Variants in TXNDC17 observed in about 807,000 individuals in gnomAD.
TXNDC17 encodes thioredoxin domain containing 17, also known as thioredoxin domain-containing protein 17.
TXNDC17 carries 12 observed loss-of-function variants against 16.3 expected under a neutral mutation model. The observed-to-expected ratio is 0.74, with a 90% CI of 0.47 to 1.19. The LOEUF is 1.19. Ranked by LOEUF, TXNDC17 falls within the 50% of genes most tolerant of loss-of-function variation. TXNDC17 has a pLI of 0.00. For synonymous variants in TXNDC17, 62 were observed against 55.0 expected (o/e 1.13, Z -0.56); for missense variants, 158 against 149.7 (o/e 1.06, Z -0.29).
In TXNDC17 at chr17:6,642,264, T is replaced by TA. The variant is rs1972693635; in HGVS notation, c.245dup (p.Asn82LysfsTer2). On this transcript the variant is annotated frameshift_variant, in exon 3 of 4. Coordinates refer to ENST00000250101, the MANE Select transcript of TXNDC17 (RefSeq NM_032731.4). LOFTEE classifies it high-confidence loss of function. ...TTTCGAATAGTTGGAAAGATCCAAA[T>TA]AATGACTTCAGAAAAAACTTGAAAG... 2 of 1,610,854 alleles carry TA rather than the reference T, an allele frequency of 1.2e-6. No individual in the cohort carries two copies. Among genetic ancestry groups the TA allele is most frequent in the African/African-American group, 2.7e-5 (2 of 74,798 alleles).
Position 6,644,518 on chromosome 17 carries a change from A to G in TXNDC17, c.*1499A>G. 6.2e-7 allele frequency: 1 copy of G among 1,610,374 alleles called. No individual in the cohort carries two copies. Among genetic ancestry groups the G allele is most frequent in the Non-Finnish European group, 8.5e-7 (1 of 1,179,080 alleles). ...GTTGCTGCTCTGCCAAGGCTTGCTG[A>G]AGGCGCATCCGCTTCCGGGAATAGT... On this transcript the variant is annotated 3_prime_UTR_variant, in exon 4 of 4. Coordinates refer to ENST00000250101, the MANE Select transcript of TXNDC17 (RefSeq NM_032731.4).
Position 6,641,066 on chromosome 17 carries a change from G to C in TXNDC17, c.-17G>C. On this transcript the variant is annotated 5_prime_UTR_variant, in exon 1 of 4. Transcript: ENST00000250101. ...ACCGGACGTGCACTCCTCCAGTAGCGGCTGCACGTCGTGCCAATGGCCCGC... is the reference window on the plus strand; with the variant it reads ...ACCGGACGTGCACTCCTCCAGTAGCCGCTGCACGTCGTGCCAATGGCCCGC... The C allele has an allele frequency of 6.2e-7, 1 of 1,610,088 alleles. No individual in the cohort carries two copies. Among genetic ancestry groups the C allele is most frequent in the Non-Finnish European group, 8.5e-7 (1 of 1,178,894 alleles).
chr17:6,641,243 G>A lies in TXNDC17; in HGVS notation c.145+16G>A, dbSNP rs779169000. On this transcript the variant is annotated intron_variant, in intron 1 of 3. Transcript: ENST00000250101. ...TGCGTGCAGGGTGAGGCCGGGATTCGGGGGCTGCTGTCCAATGGAAATGGC... is the reference window on the plus strand; with the variant it reads ...TGCGTGCAGGGTGAGGCCGGGATTCAGGGGCTGCTGTCCAATGGAAATGGC... 7.4e-6 allele frequency: 12 copies of A among 1,612,510 alleles called. No homozygotes were observed. In the East Asian group the frequency reaches 2.2e-4, roughly 30 times the overall value.
Position 6,643,768 on chromosome 17 carries a change from T to G in TXNDC17, c.*749T>G, listed in dbSNP as rs1972727495. The G allele has an allele frequency of 4.6e-6, 1 of 216,712 alleles. No individual in the cohort carries two copies. The allele number at this position is 216,712 out of a possible 1,614,324, so 13.4% of individuals were successfully genotyped here. A position where few individuals can be genotyped will look rare whatever the true frequency, so the allele number is the denominator to read the frequency against. ...GGAAGCACTTAACATAGCACCTGGTTTGTGGTACCTCCCAAATCAATGGTA... is the reference window on the plus strand; with the variant it reads ...GGAAGCACTTAACATAGCACCTGGTGTGTGGTACCTCCCAAATCAATGGTA... On this transcript the variant is annotated 3_prime_UTR_variant, in exon 4 of 4. Transcript: ENST00000250101.
chr17:6,644,004 A>G lies in TXNDC17; in HGVS notation c.*985A>G, dbSNP rs943746726. On this transcript the variant is annotated 3_prime_UTR_variant, in exon 4 of 4. Coordinates refer to ENST00000250101, the MANE Select transcript of TXNDC17 (RefSeq NM_032731.4). ...AGAACCTTTATGCAGTTCCTGTCCT[A>G]TGATTTAAAGAGGTCAGTGACTCCG... 7.5e-6 allele frequency: 3 copies of G among 398,982 alleles called. No individual in the cohort carries two copies. The highest frequency in any genetic ancestry group is 4.4e-5 in the Admixed American group (1 of 22,924). 24.7% of individuals were successfully genotyped at this position (398,982 alleles called of 1,614,324 possible). A position where few individuals can be genotyped will look rare whatever the true frequency, so the allele number is the denominator to read the frequency against.
At chr17:6,641,293 AG>A in intron 1 of TXNDC17, 66 bp downstream of exon 1, 2 of 1,592,878 alleles carry the variant, frequency 1.3e-6, no homozygotes, top group South Asian at 1.1e-5. Flanking sequence ...TACGGCCAGA[AG>A]GGGGGCTTAG....
rs116700122 is a variant in TXNDC17 at position 6,644,190 on chromosome 17, G to A, written c.*1171G>A. 4.9e-3 allele frequency: 2,318 copies of A among 473,576 alleles called. 36 individuals are homozygous for A. Among genetic ancestry groups the A allele is most frequent in the African/African-American group, 0.041 (2,044 of 49,952 alleles). The allele number at this position is 473,576 out of a possible 1,614,324, so 29.3% of individuals were successfully genotyped here. Reference sequence around the variant, plus strand: ...ACCCCATGCCCCAGTGCCTTATTTGGTCTAAAGCACCTAACTTTTCCATTC... The same window carrying A: ...ACCCCATGCCCCAGTGCCTTATTTGATCTAAAGCACCTAACTTTTCCATTC... On this transcript the variant is annotated 3_prime_UTR_variant, in exon 4 of 4. Transcript: ENST00000250101.
chr17:6,642,879 A>G (rs2150946547), intron 3 of TXNDC17, 72 bp from the exon 4 acceptor site: 1 of 1,116,228 alleles, frequency 9.0e-7, no homozygotes, highest in Non-Finnish European at 1.4e-6. Context: ...AGTGTCATTC[A>G]AGGCAGAACT....
Position 6,641,801 on chromosome 17 carries a change from T to TGTTC in TXNDC17, c.195_198dup (p.Ile67ValfsTer17). 1 of 1,614,196 alleles carries TGTTC rather than the reference T, an allele frequency of 6.2e-7. No individual in the cohort carries two copies. Among genetic ancestry groups the TGTTC allele is most frequent in the Non-Finnish European group, 8.5e-7 (1 of 1,180,032 alleles). ...CTGAAGCACATTAGTGAAGGATGTG[T>TGTTC]GTTCATCTACTGCCAAGTAGGAGAA... is the stretch of plus-strand genomic sequence containing the variant. On this transcript the variant is annotated frameshift_variant, in exon 2 of 4. Transcript: ENST00000250101. LOFTEE classifies it high-confidence loss of function.
chr17:6,641,952 A>C, intron 2 of TXNDC17, 118 bp downstream of exon 2: 1 of 915,040 alleles, frequency 1.1e-6, no homozygotes, highest in Non-Finnish European at 1.7e-6. Context: ...GACAAGTTAA[A>C]CAATTAGAAG....
rs374037511 is a variant in TXNDC17, at chr17:6,641,708, T to C, written c.146-45T>C. 123 of 1,575,292 alleles carry C rather than the reference T, an allele frequency of 7.8e-5. No homozygotes were observed. The African/African-American group carries it at 1.0e-3, about 13-fold the overall frequency. On this transcript the variant is annotated intron_variant, in intron 1 of 3. Transcript: ENST00000250101. ...AAGAACACAGTTTATACGTGCCTGA[T>C]TGTAGAGTTGACGTGCGATTATTTT...
intron 1 of TXNDC17, 149 bp from the exon 2 acceptor site, chr17:6,641,604 G>C (rs1398584363): frequency 2.5e-6 from 2 of 790,874 alleles, no homozygotes; most frequent in Non-Finnish European, 4.2e-6. Flanking sequence ...GACCAGAAGG[G>C]AACACCTGAC....
intron 2 of TXNDC17, 77 bp downstream of exon 2, chr17:6,641,911 CTTA>C: frequency 7.7e-7 from 1 of 1,296,030 alleles, no homozygotes; most frequent in Non-Finnish European, 1.1e-6. Context: ...CAGGGACTTA[CTTA>C]CCCAGTTTGT....
Position 6,644,154 on chromosome 17 carries a change from G to A in TXNDC17, c.*1135G>A, listed in dbSNP as rs773825877. Reference sequence around the variant, plus strand: ...AGCCTTAGAATTCAGTATACTTGGTGGCCCACCCCTACCCCATGCCCCAGT... The same window carrying A: ...AGCCTTAGAATTCAGTATACTTGGTAGCCCACCCCTACCCCATGCCCCAGT... On this transcript the variant is annotated 3_prime_UTR_variant, in exon 4 of 4. Transcript: ENST00000250101. The A allele has an allele frequency of 1.2e-5, 5 of 427,216 alleles. No homozygotes were observed. The highest frequency in any genetic ancestry group is 2.1e-5 in the Non-Finnish European group (5 of 242,668). 26.5% of individuals were successfully genotyped at this position (427,216 alleles called of 1,614,324 possible).
At chr17:6,642,438 A>C in intron 3 of TXNDC17, 114 bp downstream of exon 3, 1 of 746,578 alleles carries the variant, frequency 1.3e-6, no homozygotes, top group South Asian at 1.9e-5. Flanking sequence ...ATTGTTGTTC[A>C]GAGTGCTGCT....
chr17:6,641,986 C>T (rs1972685670), intron 2 of TXNDC17, 152 bp downstream of exon 2: 1 of 773,040 alleles, frequency 1.3e-6, no homozygotes, highest in Non-Finnish European at 2.2e-6. Context: ...ATTTAAAATG[C>T]CCACCTGAAT....
chr17:6,643,128 C>A lies in TXNDC17; in HGVS notation c.*109C>A. 1.0e-6 allele frequency: 1 copy of A among 971,764 alleles called. No individual in the cohort carries two copies. The highest frequency in any genetic ancestry group is 1.4e-5 in the South Asian group (1 of 70,204). 60.2% of individuals were successfully genotyped at this position (971,764 alleles called of 1,614,324 possible). A position where few individuals can be genotyped will look rare whatever the true frequency, so the allele number is the denominator to read the frequency against. On this transcript the variant is annotated 3_prime_UTR_variant, in exon 4 of 4. Coordinates refer to ENST00000250101, the MANE Select transcript of TXNDC17 (RefSeq NM_032731.4). ...CAATAAATGATGTTAAAAAAACTGG[C>A]ATGTGTCTAAACAATAGAGTGCTAT...
intron 1 of TXNDC17, 72 bp from the exon 2 acceptor site, chr17:6,641,681 G>A (rs765974784): frequency 1.4e-6 from 2 of 1,452,542 alleles, no homozygotes; most frequent in African/African-American, 1.4e-5. Context: ...GGGGAAGGGG[G>A]AAAGAACACA....
At chr17:6,642,496 TCTAG>T (rs1395021151) in intron 3 of TXNDC17, 172 bp downstream of exon 3, 7 of 534,258 alleles carry the variant, frequency 1.3e-5, no homozygotes, top group Middle Eastern at 9.8e-4. Flanking sequence ...AATGTAAATA[TCTAG>T]CTATTAGGTC....
Sources: allele counts gnomAD v4.1 joint callset, GRCh38; gene constraint gnomAD v4.1.1; transcripts MANE v1.5; gene names NCBI Gene and HGNC (gene_info 2026-07-23, HGNC 2026-07-21).